NTM: variants seen among roughly 807,000 people sequenced by gnomAD.
The protein encoded by NTM is IgLON family member 2.
NTM carries 13 observed loss-of-function variants against 42.1 expected under a neutral mutation model. The observed-to-expected ratio is 0.31, with a 90% CI of 0.20 to 0.49. NTM has a LOEUF of 0.49. NTM is among the 20% of genes least tolerant of loss of function. The pLI is 0.99. For synonymous variants in NTM, 187 were observed against 179.2 expected, an observed-to-expected ratio of 1.04 and a Z score of -0.35; for missense variants, 373 against 452.8, an observed-to-expected ratio of 0.82 and a Z score of 1.60.
intron 1 of NTM, among the ~76,000 whole-genome samples, chr11:131,460,360 G>T (rs1767532209): frequency 3.3e-5 from 5 of 152,114 alleles, no homozygotes; most frequent in Admixed American, 3.3e-4. Context: ...TGAAGTAATA[G>T]GATTACAGAT....
intron 1 of NTM, among the ~76,000 whole-genome samples, chr11:131,824,603 A>C (rs955444557): frequency 2.0e-5 from 3 of 152,208 alleles, no homozygotes. Flanking sequence ...TTATTCACTC[A>C]CTCATTCAAA....
At chr11:132,281,514 A>T (rs2093970370) in intron 4 of NTM, among the ~76,000 whole-genome samples, 1 of 152,218 alleles carries the variant, frequency 6.6e-6, no homozygotes, top group Admixed American at 6.5e-5. Flanking sequence ...TTAATAGATG[A>T]TTGGGTTCCT....
intron 1 of NTM, among the ~76,000 whole-genome samples, chr11:131,699,739 T>A (rs2075864928): frequency 6.6e-6 from 1 of 151,872 alleles, no homozygotes; most frequent in Admixed American, 6.6e-5. Context: ...GGGGGAAAAG[T>A]CCCTTATAAA....
chr11:131,755,786 C>A (rs2083254213), intron 1 of NTM, among the ~76,000 whole-genome samples: 1 of 152,182 alleles, frequency 6.6e-6, no homozygotes, highest in African/African-American at 2.4e-5. Flanking sequence ...TAAATCAGAC[C>A]TTGATTCTAA....
intron 2 of NTM, among the ~76,000 whole-genome samples, chr11:131,942,984 G>T (rs967096417): frequency 6.6e-6 from 1 of 151,314 alleles, no homozygotes; most frequent in African/African-American, 2.4e-5. Context: ...GCCATGTGGG[G>T]CTACCGCAGG....
intron 2 of NTM, among the ~76,000 whole-genome samples, chr11:131,916,485 T>C (rs1192216098): frequency 6.6e-6 from 1 of 152,146 alleles, no homozygotes; most frequent in East Asian, 1.9e-4. Flanking sequence ...GAGTTAGGAA[T>C]TGAAGGTCTG....
intron 1 of NTM, among the ~76,000 whole-genome samples, chr11:131,758,912 C>G (rs1264119196): frequency 6.6e-6 from 1 of 152,044 alleles, no homozygotes; most frequent in Admixed American, 6.6e-5. Flanking sequence ...TTTCTTAAAG[C>G]CTGTACCGGC....
chr11:132,036,872 C>T (rs1256139390), intron 2 of NTM, among the ~76,000 whole-genome samples: 1 of 152,010 alleles, frequency 6.6e-6, no homozygotes, highest in African/African-American at 2.4e-5. Context: ...ACTGAAGGGC[C>T]ATGTGTCTTG....
chr11:131,584,919 C>T (rs1023530051), intron 1 of NTM, among the ~76,000 whole-genome samples: 1 of 151,652 alleles, frequency 6.6e-6, no homozygotes, highest in African/African-American at 2.4e-5. Context: ...ATCCGCTTGG[C>T]AAAGAATAGG....
intron 1 of NTM, among the ~76,000 whole-genome samples, chr11:131,808,641 G>A (rs1411203719): frequency 1.3e-5 from 2 of 152,222 alleles, no homozygotes; most frequent in Non-Finnish European, 2.9e-5. Context: ...GAGTGGTCAT[G>A]AACCTGGTGT....
chr11:131,602,542 C>A (rs987359457), intron 1 of NTM, among the ~76,000 whole-genome samples: 52 of 152,194 alleles, frequency 3.4e-4, no homozygotes, highest in African/African-American at 1.2e-3. Context: ...AAACTAACAT[C>A]CCTCTTTGGC....
At chr11:131,403,135 G>A (rs1370440370) in intron 1 of NTM, among the ~76,000 whole-genome samples, 1 of 152,142 alleles carries the variant, frequency 6.6e-6, no homozygotes, top group Non-Finnish European at 1.5e-5. Flanking sequence ...TTCCCTGAGA[G>A]GAGACACCGT....
At position 132,188,488 on chromosome 11, in the gene NTM, T is replaced by C. The variant is rs2078786807; in HGVS notation, c.401-23534T>C. On this transcript the variant is annotated intron_variant, in intron 3 of 8. Coordinates refer to ENST00000683400, the MANE Select transcript of NTM (RefSeq NM_001352005.2). ...CAGCTCACATCTTCAGAAAGGAAAA[T>C]TCCACTGCCTGCCTTAATGAACTTA... is the stretch of plus-strand genomic sequence containing the variant. 1.3e-5 allele frequency among the ~76,000 whole-genome samples: 2 copies of C among 152,114 alleles called. 1 individual carries two copies. The highest frequency in any genetic ancestry group is 4.1e-4 in the South Asian group (2 of 4,820).
At chr11:132,307,549 C>A in intron 4 of NTM, 140 bp from the exon 5 acceptor site, 2 of 1,170,076 alleles carry the variant, frequency 1.7e-6, no homozygotes, top group Non-Finnish European at 2.4e-6. Flanking sequence ...GGAGGGATAA[C>A]CCACACAGTT....
chr11:132,124,346 C>T (rs2065321188), intron 2 of NTM, among the ~76,000 whole-genome samples: 1 of 152,188 alleles, frequency 6.6e-6, no homozygotes, highest in African/African-American at 2.4e-5. Context: ...TGAGTGCTCT[C>T]AGTCTGCAGG....
In NTM at chr11:132,216,325, A is replaced by G. The variant is rs2083856857; in HGVS notation, c.526+4178A>G. Among the ~76,000 whole-genome samples the G allele has an allele frequency of 2.6e-5, 4 of 152,324 alleles. 1 individual carries two copies. The South Asian group carries it at 8.3e-4, about 32-fold the overall frequency. The stretch of plus-strand genomic sequence containing the variant: ...CTTTAAAGACAAGTCTAGGATTCCT[A>G]CATTGCCACATTCCTGAGAGCCCAA... On this transcript the variant is annotated intron_variant, in intron 4 of 8. Transcript: ENST00000683400.
At chr11:132,331,803 A>G (rs1233592661) in intron 8 of NTM, among the ~76,000 whole-genome samples, 2 of 152,238 alleles carry the variant, frequency 1.3e-5, no homozygotes, top group Non-Finnish European at 2.9e-5. Context: ...GCTGGAATGA[A>G]GAATAAGAGT....
At position 131,653,007 on chromosome 11, in the gene NTM, G is replaced by A. The variant is rs748229866; in HGVS notation, c.83-258557G>A. The stretch of plus-strand genomic sequence containing the variant: ...CCAAAACATCTCCATAAAACCCACC[G>A]ATCACAGACTGTAGCATGATTACAG... On this transcript the variant is annotated intron_variant, in intron 1 of 8. Transcript: ENST00000683400. 4.8e-4 allele frequency among the ~76,000 whole-genome samples: 73 copies of A among 152,080 alleles called. 4 individuals are homozygous for A. The highest frequency in any genetic ancestry group is 2.9e-5 in the Non-Finnish European group (2 of 68,024).
At chr11:131,411,740 T>C (rs1946454714) in intron 1 of NTM, among the ~76,000 whole-genome samples, 1 of 152,092 alleles carries the variant, frequency 6.6e-6, no homozygotes, top group South Asian at 2.1e-4. Context: ...TGGGGATGCC[T>C]TTCCGCCCAC....
Sources: allele counts gnomAD v4.1 joint callset (sites outside exome capture counted in the v4.1 genomes callset), GRCh38; gene constraint gnomAD v4.1.1; transcripts MANE v1.5; gene names NCBI Gene and HGNC (gene_info 2026-07-23, HGNC 2026-07-21).